Variants in SLC39A14 observed in about 807,000 individuals in gnomAD.
SLC39A14 encodes the protein metal cation symporter ZIP14.
In SLC39A14, 19 loss-of-function variants were observed where a neutral mutation model predicts 45.5. The observed-to-expected ratio is 0.42, with a 90% CI of 0.29 to 0.61. The LOEUF (loss-of-function observed/expected upper bound fraction) is 0.61. Ranked by LOEUF, SLC39A14 falls within the 20% of genes least tolerant of loss-of-function variation. SLC39A14 has a pLI of 0.22. For synonymous variants in SLC39A14, 264 were observed against 251.3 expected, an observed-to-expected ratio of 1.05 and a Z score of -0.48; for missense variants, 447 against 616.5, an observed-to-expected ratio of 0.73 and a Z score of 2.91.
At chr8:22,434,065 CT>C in exon 9 of SLC39A14, 1 of 184,604 alleles carries the variant, frequency 5.4e-6, no homozygotes. Flanking sequence ...TATATTTTAG[CT>C]TTTTCACTTT....
At chr8:22,380,990 T>C (rs1586649926) in intron 1 of SLC39A14, among the ~76,000 whole-genome samples, 1 of 146,968 alleles carries the variant, frequency 6.8e-6, no homozygotes, top group East Asian at 2.1e-4. Context: ...AATTTTTTTT[T>C]TTATACAGAG....
chr8:22,368,605 C>T (rs962131557), intron 1 of SLC39A14, among the ~76,000 whole-genome samples: 3 of 152,014 alleles, frequency 2.0e-5, no homozygotes, highest in African/African-American at 4.8e-5. Flanking sequence ...GGCGCGATCT[C>T]GGCTCACTGC....
chr8:22,411,870 G>A, intron 3 of SLC39A14, 167 bp from the exon 4 acceptor site: 1 of 596,010 alleles, frequency 1.7e-6, no homozygotes. Context: ...CTCCCTACTT[G>A]TCTCTCTCTG....
At chr8:22,399,863 G>A (rs1834755527) in intron 1 of SLC39A14, among the ~76,000 whole-genome samples, 1 of 152,186 alleles carries the variant, frequency 6.6e-6, no homozygotes. Context: ...AGTCTTTTGG[G>A]GTTTGTTTGC....
Position 22,412,226 on chromosome 8 carries a change from T to A in SLC39A14, c.627+20T>A, listed in dbSNP as rs1204509457. 1 of 1,550,862 alleles carries A rather than the reference T, an allele frequency of 6.4e-7. No individual in the cohort carries two copies. ...CCGGAGGTATGGCAAGCCAGGGCCT[T>A]CACCCCGGAGCATGCCGGCGGGCAC... On this transcript the variant is annotated intron_variant, in intron 4 of 8. Coordinates refer to ENST00000381237, the MANE Select transcript of SLC39A14 (RefSeq NM_001128431.4).
intron 1 of SLC39A14, among the ~76,000 whole-genome samples, chr8:22,397,145 A>G (rs1834534442): frequency 6.6e-6 from 1 of 152,106 alleles, no homozygotes; most frequent in Non-Finnish European, 1.5e-5. Context: ...GTTCATTGTA[A>G]TAATATGTTG....
At chr8:22,386,468 T>C (rs1833800642) in intron 1 of SLC39A14, among the ~76,000 whole-genome samples, 1 of 152,086 alleles carries the variant, frequency 6.6e-6, no homozygotes, top group Admixed American at 6.5e-5. Flanking sequence ...GGTTTCGCCA[T>C]GTTAGCCAGG....
At chr8:22,415,492 C>T (rs79471483) in intron 5 of SLC39A14, 6,782 of 372,904 alleles carry the variant, frequency 0.018, 221 homozygotes, top group African/African-American at 0.078. Context: ...AACGGGGTCT[C>T]GCTTCGTTGC....
chr8:22,406,247 G>A (rs753745849), intron 2 of SLC39A14, among the ~76,000 whole-genome samples: 13 of 152,130 alleles, frequency 8.5e-5, no homozygotes, highest in Non-Finnish European at 1.3e-4. Context: ...TCAGGAGTTT[G>A]AGACTAGCCT....
At chr8:22,405,542 A>G (rs1835162489) in intron 2 of SLC39A14, among the ~76,000 whole-genome samples, 1 of 152,164 alleles carries the variant, frequency 6.6e-6, no homozygotes, top group Non-Finnish European at 1.5e-5. Flanking sequence ...GGCAGCCTGG[A>G]AGTGGGGTTC....
intron 1 of SLC39A14, among the ~76,000 whole-genome samples, chr8:22,403,950 CAG>C (rs1256447594): frequency 7.3e-5 from 11 of 150,652 alleles, no homozygotes; most frequent in African/African-American, 1.5e-4. Context: ...AAAAACTAGA[CAG>C]AGAGTCTGAT....
At chr8:22,429,391 A>G (rs1309908130) in intron 8 of SLC39A14, among the ~76,000 whole-genome samples, 1 of 152,338 alleles carries the variant, frequency 6.6e-6, no homozygotes, top group African/African-American at 2.4e-5. Context: ...GCACCTCAAT[A>G]TTTTTATGAA....
chr8:22,401,756 G>T (rs1463872563), intron 1 of SLC39A14, among the ~76,000 whole-genome samples: 1 of 151,726 alleles, frequency 6.6e-6, no homozygotes, highest in African/African-American at 2.4e-5. Flanking sequence ...GGCTGGTCTC[G>T]AACTCCTGAG....
intron 3 of SLC39A14, among the ~76,000 whole-genome samples, chr8:22,409,601 C>T (rs565111375): frequency 5.3e-5 from 8 of 151,682 alleles, no homozygotes; most frequent in African/African-American, 1.5e-4. Flanking sequence ...AGGCCGGTCT[C>T]GAACTCCTGA....
downstream of SLC39A14, among the ~76,000 whole-genome samples, chr8:22,424,731 G>A (rs536212281): frequency 6.6e-6 from 1 of 152,028 alleles, no homozygotes; most frequent in South Asian, 2.1e-4. Flanking sequence ...AAGAATGAAT[G>A]AAAAAACTAA....
intron 1 of SLC39A14, among the ~76,000 whole-genome samples, chr8:22,392,425 A>G (rs944275118): frequency 2.6e-5 from 4 of 152,030 alleles, no homozygotes; most frequent in Admixed American, 1.3e-4. Flanking sequence ...TGGCCACTAG[A>G]TCATTCTTTC....
intron 8 of SLC39A14, among the ~76,000 whole-genome samples, chr8:22,429,783 G>A (rs927934032): frequency 1.3e-5 from 2 of 152,224 alleles, no homozygotes; most frequent in Admixed American, 1.3e-4. Flanking sequence ...AGCAGTGAAA[G>A]ATCCTTCCCT....
downstream of SLC39A14, among the ~76,000 whole-genome samples, chr8:22,425,941 G>A (rs1836380065): frequency 6.8e-6 from 1 of 147,344 alleles, no homozygotes; most frequent in Non-Finnish European, 1.5e-5. Flanking sequence ...GCCCAGCCTG[G>A]AGCACAATGG....
chr8:22,430,216 T>G (rs1272805761), intron 8 of SLC39A14, among the ~76,000 whole-genome samples: 1 of 72,690 alleles, frequency 1.4e-5, no homozygotes, highest in South Asian at 5.7e-4. Flanking sequence ...TCCTCCCACC[T>G]ACCTCAACCA....
Sources: gnomAD v4.1 joint callset for allele counts (sites outside exome capture counted in the v4.1 genomes callset) on GRCh38, gnomAD v4.1.1 for gene constraint, MANE v1.5 for transcripts, NCBI Gene and HGNC (gene_info 2026-07-23, HGNC 2026-07-21) for gene names.